Variants in ATG2B observed in about 807,000 individuals in gnomAD.
ATG2B encodes the protein autophagy related 2B.
ATG2B carries 121 observed loss-of-function variants against 241.3 expected under a neutral mutation model. The observed-to-expected ratio is 0.50, with a 90% CI of 0.43 to 0.58. The LOEUF is 0.58. Among genes scored for constraint, ATG2B ranks in the 20% least tolerant of loss-of-function variants. The probability of loss-of-function intolerance (pLI) is 0.00; values close to 1 mark genes in which losing one functional copy is unlikely to be tolerated. For synonymous variants in ATG2B, 858 were observed against 876.6 expected (o/e 0.98, Z 0.37); for missense variants, 2,306 against 2,491.6 (o/e 0.93, Z 1.59).
At chr14:96,337,418 T>C (rs1887895350) in intron 6 of ATG2B, among the ~76,000 whole-genome samples, 1 of 152,208 alleles carries the variant, frequency 6.6e-6, no homozygotes, top group Non-Finnish European at 1.5e-5. Flanking sequence ...GCAAATATAG[T>C]TGTATTTATA....
At chr14:96,322,356 T>C in intron 17 of ATG2B, 102 bp from the exon 18 acceptor site, 1 of 1,410,326 alleles carries the variant, frequency 7.1e-7, no homozygotes, top group East Asian at 2.4e-5. Context: ...GAGAAATAAA[T>C]AAGCATGAAA....
rs1888189071 is a variant in ATG2B at position 96,347,113 on chromosome 14, A to G, written c.325+66T>C. 6 of 1,357,120 alleles carry G rather than the reference A, an allele frequency of 4.4e-6. No individual in the cohort carries two copies. In the South Asian group the frequency reaches 9.7e-5, roughly 22 times the overall value. The allele number at this position is 1,357,120 out of a possible 1,614,324, so 84.1% of individuals were successfully genotyped here. A position where few individuals can be genotyped will look rare whatever the true frequency, so the allele number is the denominator to read the frequency against. ...AAGCAAAAATACTAAATTTAAGGTA[A>G]TCAGGTTACTTTCCCAGTCTCTGAA... is the stretch of plus-strand genomic sequence containing the variant. On this transcript the variant is annotated intron_variant, in intron 2 of 41. Transcript: ENST00000359933.
At position 96,303,162 on chromosome 14, in the gene ATG2B, G is replaced by C. The variant is rs771225532; in HGVS notation, c.4936C>G (p.Gln1646Glu). ...HPVSRQVFIV[Q>E]DLEIRDRLAT... ...AAACGATCTCGAATCTCAAGATCCTGAACAATGAACACCTGCCGGGAGACT... is the reference window on the plus strand; with the variant it reads ...AAACGATCTCGAATCTCAAGATCCTCAACAATGAACACCTGCCGGGAGACT... The change falls in exon 33 of 42, where the codon CAG (glutamine) becomes GAG (glutamate). Residue 1646 changes from glutamine to glutamate, a missense_variant. Physicochemically the swap from Gln to Glu is conservative, Grantham distance 29. Transcript: ENST00000359933. 2 of 1,613,476 alleles carry C rather than the reference G, an allele frequency of 1.2e-6. No individual in the cohort carries two copies. Among genetic ancestry groups the C allele is most frequent in the Non-Finnish European group, 1.7e-6 (2 of 1,179,772 alleles).
At position 96,313,403 on chromosome 14, in the gene ATG2B, A is replaced by G. The variant is rs1379642581; in HGVS notation, c.3675T>C (p.Pro1225=). Residue 1225 remains proline, a synonymous_variant, in exon 24 of 42, where the codon CCT becomes CCC. Transcript: ENST00000359933. ...ILYFLNIADE[P]VLGYNPPTSF... ...AAGTTGGAGGATTATATCCCAAAAC[A>G]GGTTCATCAGCAATATTCAAGAAGT... 1.9e-6 allele frequency: 3 copies of G among 1,590,700 alleles called. No individual in the cohort carries two copies. The highest frequency in any genetic ancestry group is 2.6e-6 in the Non-Finnish European group (3 of 1,172,228).
chr14:96,322,368 A>AT (rs1258982645), intron 17 of ATG2B, 114 bp from the exon 18 acceptor site: 4 of 1,366,714 alleles, frequency 2.9e-6, no homozygotes, highest in Non-Finnish European at 4.0e-6. Flanking sequence ...AGCATGAAAC[A>AT]TTTAACTAGA....
intron 16 of ATG2B, among the ~76,000 whole-genome samples, chr14:96,323,562 T>C (rs1887512116): frequency 6.6e-6 from 1 of 152,232 alleles, no homozygotes; most frequent in South Asian, 2.1e-4. Flanking sequence ...CTGAATTATT[T>C]AACCGAAGTA....
Position 96,285,536 on chromosome 14 carries a change from T to G in ATG2B, c.*219A>C. 1.8e-6 allele frequency: 1 copy of G among 565,304 alleles called. No individual in the cohort carries two copies. Among genetic ancestry groups the G allele is most frequent in the East Asian group, 3.0e-5 (1 of 33,458 alleles). 35.0% of individuals were successfully genotyped at this position (565,304 alleles called of 1,614,324 possible). ...TTGGCAGCAAATGCTTTAAGGACCT[T>G]TGACACCAGCCACCAAACATTTCTA... On this transcript the variant is annotated 3_prime_UTR_variant, in exon 42 of 42. Coordinates refer to ENST00000359933, the MANE Select transcript of ATG2B (RefSeq NM_018036.7). This position sits in a 1 kb window ranked among gnomAD's most constrained non-coding sequence, Gnocchi z 4.2.
intron 15 of ATG2B, 65 bp downstream of exon 15, chr14:96,325,584 G>A: frequency 6.8e-7 from 1 of 1,460,506 alleles, no homozygotes; most frequent in South Asian, 1.3e-5. Context: ...CTTTTGTGAT[G>A]TTAAGTTTCA....
Position 96,289,936 on chromosome 14 carries a change from G to A in ATG2B, c.5857-131C>T, listed in dbSNP as rs767198930. 1.9e-5 allele frequency: 18 copies of A among 928,700 alleles called. No homozygotes were observed. Among genetic ancestry groups the A allele is most frequent in the South Asian group, 3.6e-5 (2 of 55,396 alleles). 57.5% of individuals were successfully genotyped at this position (928,700 alleles called of 1,614,324 possible). ...CAAACCCTAATGAAGACACTTCTGC[G>A]TATCTGAATTCTTTACCACAAGAAT... On this transcript the variant is annotated intron_variant, in intron 40 of 41. Transcript: ENST00000359933. The surrounding 1 kb of genome is among the most constrained non-coding windows in gnomAD (Gnocchi z 4.3).
In ATG2B at chr14:96,317,332, C is replaced by A; in HGVS notation, c.3038-15G>T. ...ACTTTCCTCATCTATGAGAAATAAA[C>A]ATACAATTACATTCTGATAGCATAT... is the stretch of plus-strand genomic sequence containing the variant. On this transcript the variant is annotated splice_polypyrimidine_tract_variant and intron_variant, in intron 19 of 41. Coordinates refer to ENST00000359933, the MANE Select transcript of ATG2B (RefSeq NM_018036.7). 1 of 1,590,670 alleles carries A rather than the reference C, an allele frequency of 6.3e-7. No individual in the cohort carries two copies. Among genetic ancestry groups the A allele is most frequent in the South Asian group, 1.1e-5 (1 of 87,388 alleles).
intron 1 of ATG2B, among the ~76,000 whole-genome samples, chr14:96,351,581 C>A (rs1035048656): frequency 1.3e-5 from 2 of 151,968 alleles, no homozygotes; most frequent in Admixed American, 6.6e-5. Flanking sequence ...ACTAAAAGTA[C>A]AAGAATTAGC....
At chr14:96,361,744 G>A (rs181114178) in intron 1 of ATG2B, among the ~76,000 whole-genome samples, 3 of 152,192 alleles carry the variant, frequency 2.0e-5, no homozygotes, top group African/African-American at 7.2e-5. Context: ...TCACCTCCTG[G>A]TGAGCGACTG....
At chr14:96,340,078 A>C (rs1404555220) in intron 6 of ATG2B, among the ~76,000 whole-genome samples, 1 of 126,608 alleles carries the variant, frequency 7.9e-6, no homozygotes, top group East Asian at 2.1e-4. Context: ...ATGTGATATG[A>C]TATATATGAA....
chr14:96,302,957 A>C (rs914193098), intron 33 of ATG2B, 104 bp downstream of exon 33: 27 of 853,308 alleles, frequency 3.2e-5, no homozygotes, highest in Non-Finnish European at 4.2e-5. Flanking sequence ...TTAAAATGAG[A>C]AAAGATATCT....
At chr14:96,321,306 T>C (rs1467533386) in intron 18 of ATG2B, among the ~76,000 whole-genome samples, 1 of 152,208 alleles carries the variant, frequency 6.6e-6, no homozygotes, top group African/African-American at 2.4e-5. Context: ...TGTCTACATG[T>C]AGGAAGCTAG....
At position 96,341,685 on chromosome 14, in the gene ATG2B, AGCTTTG is replaced by A. The variant is rs747597139; in HGVS notation, c.755_760del (p.Pro252_Lys253del). Reference sequence around the variant, plus strand: ...AATTTTGGGGTTCCAGCTAGGTGAGAGCTTTGGCTCAGTTTCCTACAATAAAGTGAC... The same window carrying A: ...AATTTTGGGGTTCCAGCTAGGTGAGAGCTCAGTTTCCTACAATAAAGTGAC... On this transcript the variant is annotated inframe_deletion, in exon 6 of 42. Coordinates refer to ENST00000359933, the MANE Select transcript of ATG2B (RefSeq NM_018036.7). 1.9e-6 allele frequency: 3 copies of A among 1,578,982 alleles called. No homozygotes were observed. Among genetic ancestry groups the A allele is most frequent in the Admixed American group, 1.7e-5 (1 of 57,348 alleles).
chr14:96,332,341 A>G lies in ATG2B; in HGVS notation c.1432T>C (p.Ser478Pro), dbSNP rs1326057320. The G allele has an allele frequency of 6.2e-7, 1 of 1,613,810 alleles. No individual in the cohort carries two copies. The highest frequency in any genetic ancestry group is 8.5e-7 in the Non-Finnish European group (1 of 1,179,756). The part of the protein sequence containing the change: ...EQPVRGSTFP[S>P]NLVHPTPLQK... ...AAAGGTGTTGGGTGAACTAGGTTGG[A>G]TGGAAATGTTGACCCTCTTACTGGC... The change falls in exon 10 of 42, where the codon TCC (serine) becomes CCC (proline). Residue 478 changes from serine to proline, a missense_variant. This residue lies in a region of ATG2B where 1,927 missense variants were observed against 2,011.2 expected (regional missense o/e 0.96). Transcript: ENST00000359933.
chr14:96,302,064 G>C lies in ATG2B; in HGVS notation c.5082C>G (p.Ser1694=). Reference sequence around the variant, plus strand: ...ACACTCTCAAGCAGCACTCCTGTGGGGACCTGCCAGATTCTGGACACACGT... The same window carrying C: ...ACACTCTCAAGCAGCACTCCTGTGGCGACCTGCCAGATTCTGGACACACGT... ...ALHVCPESGR[S]PQECCLRVSL... The change falls in exon 34 of 42, where the codon TCC becomes TCG. Residue 1694 remains serine (S), a synonymous_variant. Coordinates refer to ENST00000359933, the MANE Select transcript of ATG2B (RefSeq NM_018036.7). 6.2e-7 allele frequency: 1 copy of C among 1,614,024 alleles called. No homozygotes were observed. Among genetic ancestry groups the C allele is most frequent in the Non-Finnish European group, 8.5e-7 (1 of 1,179,974 alleles).
rs746020684 is a variant in ATG2B, at chr14:96,311,133, A to G, written c.4145T>C (p.Phe1382Ser). ...PNKADMKPGA[F>S]QRRSKVDSSG... ...TGACTGTACCTTAGACCTTCTTTGA[A>G]AGGCTCCAGGCTTCATATCTGCCTT... The change falls in exon 28 of 42, where the codon TTT becomes TCT. Residue 1382 changes from phenylalanine (F) to serine (S), a missense_variant. Phe to Ser is a radical substitution (Grantham distance 155, BLOSUM62 -2). Transcript: ENST00000359933. The G allele has an allele frequency of 6.8e-6, 11 of 1,611,878 alleles. No individual in the cohort carries two copies. Among genetic ancestry groups the G allele is most frequent in the Non-Finnish European group, 8.5e-6 (10 of 1,178,970 alleles).
Sources: gnomAD v4.1 joint callset for allele counts (sites outside exome capture counted in the v4.1 genomes callset) on GRCh38, gnomAD v4.1.1 for gene constraint, gnomAD v4.1.1 regional missense constraint, Gnocchi (gnomAD v3.1) non-coding constraint, MANE v1.5 for transcripts, NCBI Gene and HGNC (gene_info 2026-07-23, HGNC 2026-07-21) for gene names.